CACNB2: variants seen among roughly 807,000 people sequenced by gnomAD.
The protein encoded by CACNB2 is calcium voltage-gated channel auxiliary subunit beta 2.
A neutral mutation model predicts 73.3 loss-of-function variants in CACNB2; 42 were observed. That is an observed-to-expected ratio of 0.57 (90% CI 0.45 to 0.74). The LOEUF is 0.74. Ranked by LOEUF, CACNB2 falls within the 30% of genes least tolerant of loss-of-function variation. The pLI is 0.00. For missense variants in CACNB2, 940 were observed against 853.0 expected (o/e 1.10, Z -1.27); for synonymous variants, 348 against 310.3 (o/e 1.12, Z -1.28).
chr10:18,249,168 C>G (rs961385840), intron 2 of CACNB2, among the ~76,000 whole-genome samples: 3 of 152,208 alleles, frequency 2.0e-5, no homozygotes, highest in Non-Finnish European at 4.4e-5. Flanking sequence ...GACCTTCCCA[C>G]TACTGCTACC....
chr10:18,176,918 A>C (rs886395744), intron 2 of CACNB2, among the ~76,000 whole-genome samples: 1 of 151,874 alleles, frequency 6.6e-6, no homozygotes, highest in African/African-American at 2.4e-5. Context: ...GATGAGTGGG[A>C]CTTTTGGTTA....
At chr10:18,356,587 G>A (rs567872563) in intron 2 of CACNB2, among the ~76,000 whole-genome samples, 4 of 151,844 alleles carry the variant, frequency 2.6e-5, no homozygotes, top group African/African-American at 9.7e-5. Context: ...GTAATTATTT[G>A]ACCAGCAGTT....
rs192130500 is a variant in CACNB2, at chr10:18,428,648, T to C, written c.333+26605T>C. On this transcript the variant is annotated intron_variant, in intron 3 of 13. Transcript: ENST00000324631. The stretch of plus-strand genomic sequence containing the variant: ...TTGTAGTGAGCCCAGATCACACCAC[T>C]GCACTTCAGCTTGGGTGACAAAGCG... Among the ~76,000 whole-genome samples the C allele has an allele frequency of 1.9e-3, 286 of 149,906 alleles. 1 individual carries two copies. The highest frequency in any genetic ancestry group is 6.7e-3 in the African/African-American group (275 of 41,036).
At position 18,362,730 on chromosome 10, in the gene CACNB2, A is replaced by G. The variant is rs1467819734; in HGVS notation, c.214-39194A>G. Among the ~76,000 whole-genome samples the G allele has an allele frequency of 4.6e-5, 7 of 152,236 alleles. No individual in the cohort carries two copies. The East Asian group carries it at 1.4e-3, about 29-fold the overall frequency. The stretch of plus-strand genomic sequence containing the variant: ...TCAGGAATTTGAGACCAGCCTGGCC[A>G]ACATGGTGAAAACCCGTCTCTACCA... On this transcript the variant is annotated intron_variant, in intron 2 of 13. Coordinates refer to ENST00000324631, the MANE Select transcript of CACNB2 (RefSeq NM_201596.3).
intron 2 of CACNB2, among the ~76,000 whole-genome samples, chr10:18,304,574 C>A (rs1221346965): frequency 6.6e-6 from 1 of 152,098 alleles, no homozygotes; most frequent in Non-Finnish European, 1.5e-5. Context: ...GCAAAGCTGC[C>A]CTGGTTGCCT....
At chr10:18,220,193 A>ATG (rs1327384541) in intron 2 of CACNB2, among the ~76,000 whole-genome samples, 3,130 of 30,676 alleles carry the variant, frequency 0.1, 249 homozygotes, top group Non-Finnish European at 0.13. Flanking sequence ...ATACATATAT[A>ATG]TGTGTGTGTA....
intron 2 of CACNB2, among the ~76,000 whole-genome samples, chr10:18,371,356 CT>C (rs1554803481): frequency 1.3e-5 from 2 of 152,120 alleles, no homozygotes; most frequent in Non-Finnish European, 2.9e-5. Context: ...TCCCTCCCCC[CT>C]TTCCCCGACC....
intron 3 of CACNB2, among the ~76,000 whole-genome samples, chr10:18,421,024 A>G (rs2045290089): frequency 6.6e-6 from 1 of 152,202 alleles, no homozygotes; most frequent in South Asian, 2.1e-4. Context: ...AAAATACAAA[A>G]GAAGGAAATG....
chr10:18,331,249 G>T (rs2040795005), intron 2 of CACNB2, among the ~76,000 whole-genome samples: 1 of 151,874 alleles, frequency 6.6e-6, no homozygotes, highest in African/African-American at 2.4e-5. Flanking sequence ...CTCCCAAAGT[G>T]CTGGAATTAC....
chr10:18,377,075 A>G (rs1275454799), intron 2 of CACNB2, among the ~76,000 whole-genome samples: 1 of 152,224 alleles, frequency 6.6e-6, no homozygotes, highest in Non-Finnish European at 1.5e-5. Context: ...TGAAGTGATT[A>G]TTATATATTG....
intron 3 of CACNB2, among the ~76,000 whole-genome samples, chr10:18,432,555 G>A (rs2045940180): frequency 6.6e-6 from 1 of 152,066 alleles, no homozygotes; most frequent in African/African-American, 2.4e-5. Flanking sequence ...ATTCCAGGCT[G>A]GGTGCAGTGA....
At chr10:18,290,102 TTTTC>T in intron 2 of CACNB2, among the ~76,000 whole-genome samples, 1 of 145,054 alleles carries the variant, frequency 6.9e-6, no homozygotes, top group African/African-American at 2.6e-5. Flanking sequence ...TTTTTTTCTT[TTTTC>T]TTTTTCTTTT....
chr10:18,225,480 C>T (rs535770534), intron 2 of CACNB2, among the ~76,000 whole-genome samples: 47 of 152,284 alleles, frequency 3.1e-4, no homozygotes, highest in African/African-American at 1.1e-3. Flanking sequence ...ACACCACAGG[C>T]AGGCTCTGTG....
intron 3 of CACNB2, among the ~76,000 whole-genome samples, chr10:18,454,870 C>G (rs952144945): frequency 2.0e-5 from 3 of 151,996 alleles, no homozygotes; most frequent in African/African-American, 7.2e-5. Flanking sequence ...AAGACTGCCC[C>G]CCGCTACAAA....
intron 2 of CACNB2, among the ~76,000 whole-genome samples, chr10:18,219,205 G>T (rs903480044): frequency 6.6e-6 from 1 of 152,094 alleles, no homozygotes; most frequent in African/African-American, 2.4e-5. Flanking sequence ...ATTCGGAATG[G>T]TATTTTTCCA....
intron 2 of CACNB2, among the ~76,000 whole-genome samples, chr10:18,390,524 C>T (rs966193874): frequency 1.3e-5 from 2 of 152,098 alleles, no homozygotes; most frequent in African/African-American, 2.4e-5. Flanking sequence ...CATGGTCTTT[C>T]TTTGGTAGTA....
intron 2 of CACNB2, among the ~76,000 whole-genome samples, chr10:18,357,190 G>A (rs548265627): frequency 1.4e-4 from 21 of 151,558 alleles, no homozygotes; most frequent in African/African-American, 4.1e-4. Context: ...TGATCCGCCC[G>A]TCTCGGCCTC....
chr10:18,299,646 G>C lies in CACNB2; in HGVS notation c.214-102278G>C, dbSNP rs191271131. ...GGATCAATTGAGCCTGGGAGGTTGA[G>C]GCTGCAGTAAGCAGTGATCGCACCA... On this transcript the variant is annotated intron_variant, in intron 2 of 13. Coordinates refer to ENST00000324631, the MANE Select transcript of CACNB2 (RefSeq NM_201596.3). Among the ~76,000 whole-genome samples, 240 of 152,280 alleles carry C rather than the reference G, an allele frequency of 1.6e-3. 2 individuals are homozygous for C. Among genetic ancestry groups the C allele is most frequent in the South Asian group, 3.3e-3 (16 of 4,820 alleles).
At chr10:18,261,464 A>G in intron 2 of CACNB2, 1 of 1,088,154 alleles carries the variant, frequency 9.2e-7, no homozygotes, top group Non-Finnish European at 1.4e-6. Context: ...GTTTTCAAGG[A>G]ATCTGAGGTA....
Sources: gnomAD v4.1 joint callset for allele counts (sites outside exome capture counted in the v4.1 genomes callset) on GRCh38, gnomAD v4.1.1 for gene constraint, MANE v1.5 for transcripts, NCBI Gene and HGNC (gene_info 2026-07-23, HGNC 2026-07-21) for gene names.